Variants in ZFYVE16 observed in about 807,000 individuals in gnomAD.
ZFYVE16 encodes the protein zinc finger FYVE domain-containing protein 16.
Under a neutral mutation model 138.1 loss-of-function variants are expected in ZFYVE16, and 89 were observed. The observed-to-expected ratio is 0.64, with a 90% CI of 0.54 to 0.77. The LOEUF (loss-of-function observed/expected upper bound fraction) is 0.77. Among genes scored for constraint, ZFYVE16 ranks in the 30% least tolerant of loss-of-function variants. The pLI is 0.00. For missense variants in ZFYVE16, 1,793 were observed against 1,786.7 expected (o/e 1.00, Z -0.06); for synonymous variants, 596 against 618.3 (o/e 0.96, Z 0.53).
chr5:80,438,702 A>T lies in ZFYVE16; in HGVS notation c.2017A>T (p.Thr673Ser), dbSNP rs1165930567. The T allele has an allele frequency of 6.2e-7, 1 of 1,614,066 alleles. No individual in the cohort carries two copies. Among genetic ancestry groups the T allele is most frequent in the African/African-American group, 1.3e-5 (1 of 74,950 alleles). The change falls in exon 4 of 19, where the codon ACA (threonine) becomes TCA (serine). Residue 673 changes from threonine to serine, a missense_variant. Physicochemically the swap from Thr to Ser is moderately conservative, Grantham distance 58 (BLOSUM62 1). Transcript: ENST00000505560. The part of the protein sequence containing the change: ...KDLNKPDVPD[T>S]IESEPSTADT... ...CCTGAATAAGCCAGATGTTCCAGATACAATAGAAAGTGAACCCAGCACAGC... is the reference window on the plus strand; with the variant it reads ...CCTGAATAAGCCAGATGTTCCAGATTCAATAGAAAGTGAACCCAGCACAGC...
intron 15 of ZFYVE16, among the ~76,000 whole-genome samples, chr5:80,467,761 G>A (rs1030950251): frequency 3.3e-5 from 5 of 152,094 alleles, no homozygotes; most frequent in Non-Finnish European, 5.9e-5. Context: ...GAAGGGAAAA[G>A]CAAGTAACAG....
Position 80,477,128 on chromosome 5 carries a change from T to G in ZFYVE16, c.4462-91T>G, listed in dbSNP as rs77688713. 2,240 of 1,080,200 alleles carry G rather than the reference T, an allele frequency of 2.1e-3. 39 individuals are homozygous for G. In the African/African-American group the frequency reaches 0.031, roughly 15 times the overall value. The allele number at this position is 1,080,200 out of a possible 1,614,324, so 66.9% of individuals were successfully genotyped here. A position where few individuals can be genotyped will look rare whatever the true frequency, so the allele number is the denominator to read the frequency against. ...AATATTTTATTTAACATGCTTGAAC[T>G]GTATTTTAAAATATTTCACTTATTT... On this transcript the variant is annotated intron_variant, in intron 18 of 18. Coordinates refer to ENST00000505560, the MANE Select transcript of ZFYVE16 (RefSeq NM_001284236.3).
intron 18 of ZFYVE16, among the ~76,000 whole-genome samples, chr5:80,476,337 C>T (rs773052015): frequency 6.6e-6 from 1 of 152,064 alleles, no homozygotes; most frequent in Admixed American, 6.6e-5. Context: ...ATTATTATTA[C>T]TTGTTAAATA....
intron 1 of ZFYVE16, among the ~76,000 whole-genome samples, chr5:80,416,130 G>T (rs1398812272): frequency 6.6e-6 from 1 of 151,668 alleles, no homozygotes; most frequent in East Asian, 1.9e-4. Flanking sequence ...CTACTTCCTT[G>T]AGAGCAAAGA....
Position 80,437,593 on chromosome 5 carries a change from CCTG to C in ZFYVE16, c.910_912del (p.Cys304del), listed in dbSNP as rs1750115748. The C allele has an allele frequency of 6.2e-7, 1 of 1,613,376 alleles. No homozygotes were observed. Among genetic ancestry groups the C allele is most frequent in the African/African-American group, 1.3e-5 (1 of 74,846 alleles). On this transcript the variant is annotated inframe_deletion, in exon 4 of 19. Transcript: ENST00000505560. Reference sequence around the variant, plus strand: ...GAAGAGGGCAAGACAAGTGCTTTGACCTGCAGCCTTCCGAAAAATGAAGATTTA... The same window carrying C: ...GAAGAGGGCAAGACAAGTGCTTTGACCAGCCTTCCGAAAAATGAAGATTTA...
intron 1 of ZFYVE16, among the ~76,000 whole-genome samples, chr5:80,409,502 C>T (rs1347849873): frequency 1.3e-5 from 2 of 152,118 alleles, no homozygotes; most frequent in Non-Finnish European, 2.9e-5. Flanking sequence ...ATGTTTTATT[C>T]ATTTAAAAAT....
intron 1 of ZFYVE16, among the ~76,000 whole-genome samples, chr5:80,408,749 A>G (rs1482496922): frequency 1.3e-5 from 2 of 152,174 alleles, no homozygotes; most frequent in African/African-American, 2.4e-5. Context: ...TATTTGTACT[A>G]TCGTGATTGC....
chr5:80,453,373 A>G (rs1752183589), intron 11 of ZFYVE16, among the ~76,000 whole-genome samples: 1 of 152,220 alleles, frequency 6.6e-6, no homozygotes, highest in African/African-American at 2.4e-5. Flanking sequence ...ATGCTTTTTT[A>G]AATAGAAGAT....
At chr5:80,407,899 C>T (rs1172593655), upstream of ZFYVE16, 2 of 152,418 alleles carry the variant, frequency 1.3e-5, no homozygotes, top group Admixed American at 6.5e-5. Flanking sequence ...ATCTAGTGCC[C>T]TTGGCTCGGA....
chr5:80,477,252 C>T lies in ZFYVE16; in HGVS notation c.4495C>T (p.Leu1499=), dbSNP rs1755009047. The T allele has an allele frequency of 1.2e-6, 2 of 1,601,736 alleles. 1 individual carries two copies. Among genetic ancestry groups the T allele is most frequent in the South Asian group, 2.3e-5 (2 of 88,396 alleles). The part of the protein sequence containing the change: ...EFQAGSEGQL[L]PQHYLNDLDS... ...TCAGGCAGGATCTGAAGGCCAACTT[C>T]TGCCTCAGCATTATCTAAATGATCT... Residue 1499 remains leucine (L), a synonymous_variant, in exon 19 of 19, where the codon CTG becomes TTG. Transcript: ENST00000505560.
intron 15 of ZFYVE16, among the ~76,000 whole-genome samples, chr5:80,464,614 A>C (rs1178139335): frequency 6.6e-6 from 1 of 152,148 alleles, no homozygotes; most frequent in Non-Finnish European, 1.5e-5. Flanking sequence ...ATTCCCTTAT[A>C]ATCCTTTATT....
At chr5:80,470,288 A>T (rs1400176476) in intron 15 of ZFYVE16, among the ~76,000 whole-genome samples, 8 of 150,740 alleles carry the variant, frequency 5.3e-5, no homozygotes, top group African/African-American at 2.0e-4. Flanking sequence ...TTTTTAGTAG[A>T]GACAGGGTTT....
At position 80,437,300 on chromosome 5, in the gene ZFYVE16, A is replaced by C. The variant is rs1355496615; in HGVS notation, c.615A>C (p.Lys205Asn). ...ELQNREIGGI[K>N]ELGIKVDTTL... ...AAAATAGAGAAATCGGAGGAATCAA[A>C]GAATTGGGTATAAAAGTAGATACAA... Residue 205 changes from lysine (K) to asparagine (N), a missense_variant, in exon 4 of 19, where the codon AAA becomes AAC. By Grantham distance (94) the Lys-to-Asn change is moderately conservative. Around this residue, in one of 2 missense-constraint regions of ZFYVE16, gnomAD observed 1,295 missense variants for 1,204.3 expected, o/e 1.08. Coordinates refer to ENST00000505560, the MANE Select transcript of ZFYVE16 (RefSeq NM_001284236.3). The C allele has an allele frequency of 6.2e-7, 1 of 1,607,730 alleles. No homozygotes were observed. The highest frequency in any genetic ancestry group is 1.3e-5 in the African/African-American group (1 of 74,586).
chr5:80,433,368 G>A (rs1319197355), intron 2 of ZFYVE16, among the ~76,000 whole-genome samples: 10 of 152,184 alleles, frequency 6.6e-5, no homozygotes, highest in Non-Finnish European at 1.0e-4. Flanking sequence ...ATTCTCACTC[G>A]TAGTTGGGAA....
In ZFYVE16 at chr5:80,427,474, C is replaced by T. The variant is rs1172393312; in HGVS notation, c.-93-18C>T. On this transcript the variant is annotated intron_variant, in intron 1 of 18. Transcript: ENST00000505560. The stretch of plus-strand genomic sequence containing the variant: ...TTGGCTTTTGTCCTTTTGATATTAT[C>T]CCATTACTTATTGACAGATTCCTGT... The T allele has an allele frequency of 6.6e-6, 1 of 151,966 alleles. No individual in the cohort carries two copies. Among genetic ancestry groups the T allele is most frequent in the Admixed American group, 6.6e-5 (1 of 15,248 alleles). The allele number at this position is 151,966 out of a possible 1,614,324, so 9.4% of individuals were successfully genotyped here.
Position 80,451,623 on chromosome 5 carries a change from G to A in ZFYVE16, c.3521G>A (p.Cys1174Tyr). 1 of 1,613,718 alleles carries A rather than the reference G, an allele frequency of 6.2e-7. No individual in the cohort carries two copies. The highest frequency in any genetic ancestry group is 8.5e-7 in the Non-Finnish European group (1 of 1,179,902). ...TCATTACCAAGTAATCCTTTTCTTT[G>A]TGGAATTCTTATCCAGAAGCTTGAG... ...DLSLPSNPFL[C>Y]GILIQKLEIP... is the part of the protein sequence containing the mutation. Residue 1174 changes from cysteine (C) to tyrosine (Y), a missense_variant, in exon 11 of 19, where the codon TGT becomes TAT. Cys to Tyr is a radical substitution (Grantham distance 194). This residue lies in a region of ZFYVE16 where 498 missense variants were observed against 582.4 expected (regional missense o/e 0.86). Coordinates refer to ENST00000505560, the MANE Select transcript of ZFYVE16 (RefSeq NM_001284236.3).
chr5:80,445,464 C>A, intron 7 of ZFYVE16, 59 bp downstream of exon 7: 1 of 1,475,062 alleles, frequency 6.8e-7, no homozygotes, highest in Non-Finnish European at 9.2e-7. Flanking sequence ...GTAGATAATT[C>A]CTGGTGTGAT....
At chr5:80,429,134 A>G (rs527970443) in intron 2 of ZFYVE16, among the ~76,000 whole-genome samples, 90 of 152,282 alleles carry the variant, frequency 5.9e-4, no homozygotes, top group Non-Finnish European at 8.8e-4. Flanking sequence ...GAGAAGAGCA[A>G]CTCCAAGACA....
chr5:80,437,032 C>G lies in ZFYVE16; in HGVS notation c.347C>G (p.Pro116Arg). Residue 116 changes from proline to arginine, a missense_variant, in exon 4 of 19, where the codon CCG becomes CGG. By Grantham distance (103) the Pro-to-Arg change is moderately radical. This residue lies in a region of ZFYVE16 where 1,295 missense variants were observed against 1,204.3 expected (regional missense o/e 1.08). Transcript: ENST00000505560. Reference sequence around the variant, plus strand: ...GGTGGTACTTCAGATGAAATCCAGCCGTTATATATGGGACGATGTAGTAAA... The same window carrying G: ...GGTGGTACTTCAGATGAAATCCAGCGGTTATATATGGGACGATGTAGTAAA... ...VDGGTSDEIQ[P>R]LYMGRCSKPI... The G allele has an allele frequency of 6.2e-7, 1 of 1,614,068 alleles. No individual in the cohort carries two copies. The highest frequency in any genetic ancestry group is 8.5e-7 in the Non-Finnish European group (1 of 1,179,996).
Sources: gnomAD v4.1 joint callset for allele counts (sites outside exome capture counted in the v4.1 genomes callset) on GRCh38, gnomAD v4.1.1 for gene constraint, gnomAD v4.1.1 regional missense constraint, MANE v1.5 for transcripts, NCBI Gene and HGNC (gene_info 2026-07-23, HGNC 2026-07-21) for gene names.